The following RLN2 variants were observed in gnomAD, a reference collection of about 807,000 sequenced individuals.
RLN2 encodes the protein relaxin 2, also known as prorelaxin H2.
A neutral mutation model predicts 7.3 loss-of-function variants in RLN2; 10 were observed. The observed-to-expected ratio is 1.36, with a 90% CI of 0.84 to 2.31. The LOEUF is 2.31. Among genes scored for constraint, RLN2 ranks in the 30% most tolerant of loss-of-function variants. RLN2 has a pLI of 0.00. For missense variants in RLN2, 298 were observed against 217.6 expected (o/e 1.37, Z -2.32); for synonymous variants, 103 against 82.3 (o/e 1.25, Z -1.36).
the RLN2 span, among the ~76,000 whole-genome samples, chr9:5,315,717 A>G: frequency 6.6e-6 from 1 of 152,088 alleles, no homozygotes; most frequent in East Asian, 1.9e-4. Flanking sequence ...ATCAAATCAT[A>G]TATGAGAGGA....
chr9:5,312,076 G>A, the RLN2 span, among the ~76,000 whole-genome samples: 84 of 152,082 alleles, frequency 5.5e-4, 1 homozygote, highest in African/African-American at 1.9e-3. Flanking sequence ...AGGGGCATAT[G>A]TCACTAATAG....
chr9:5,333,176 C>T, the RLN2 span, among the ~76,000 whole-genome samples: 2 of 151,974 alleles, frequency 1.3e-5, no homozygotes, highest in Non-Finnish European at 1.5e-5. Flanking sequence ...GATAAATCAA[C>T]CCATGAGAAA....
chr9:5,332,470 T>A, the RLN2 span, among the ~76,000 whole-genome samples: 1 of 152,062 alleles, frequency 6.6e-6, no homozygotes, highest in East Asian at 1.9e-4. Flanking sequence ...GAAATAAGGT[T>A]TATTTTGTTG....
At chr9:5,334,795 C>T in the RLN2 span, among the ~76,000 whole-genome samples, 63 of 152,180 alleles carry the variant, frequency 4.1e-4, no homozygotes, top group Non-Finnish European at 6.8e-4. Flanking sequence ...AGTGTCCAAA[C>T]TGATGGTTTG....
the RLN2 span, among the ~76,000 whole-genome samples, chr9:5,333,912 C>T: frequency 1.7e-3 from 252 of 152,104 alleles, 6 homozygotes; most frequent in Middle Eastern, 6.8e-3. Context: ...GAACTAAAGA[C>T]AAAAACCATA....
the RLN2 span, among the ~76,000 whole-genome samples, chr9:5,330,360 C>T: frequency 1.2e-3 from 175 of 151,558 alleles, 4 homozygotes; most frequent in Admixed American, 4.5e-3. Context: ...TTAGAGAGGC[C>T]GGGTGTGGTG....
the RLN2 span, among the ~76,000 whole-genome samples, chr9:5,323,793 C>A: frequency 2.0e-5 from 3 of 152,024 alleles, no homozygotes; most frequent in East Asian, 3.9e-4. Context: ...TGCCTGTAAT[C>A]CCAGCAATTT....
chr9:5,335,629 G>T, the RLN2 span: 1 of 1,405,692 alleles, frequency 7.1e-7, no homozygotes. Flanking sequence ...TGTATGTGAA[G>T]GCGTATTCAC....
intron 1 of RLN2, among the ~76,000 whole-genome samples, chr9:5,302,852 G>A (rs1489355587): frequency 4.2e-5 from 4 of 95,576 alleles, no homozygotes; most frequent in East Asian, 3.2e-4. Flanking sequence ...GAGTGAAAAT[G>A]CAAAAGATAT....
In RLN2 at chr9:5,299,942, C is replaced by T; in HGVS notation, c.*156G>A. 2.2e-6 allele frequency: 1 copy of T among 462,760 alleles called. No homozygotes were observed. The highest frequency in any genetic ancestry group is 3.8e-6 in the Non-Finnish European group (1 of 265,774). 28.7% of individuals were successfully genotyped at this position (462,760 alleles called of 1,614,324 possible). On this transcript the variant is annotated 3_prime_UTR_variant, in exon 2 of 2. Coordinates refer to ENST00000381627, the MANE Select transcript of RLN2 (RefSeq NM_134441.3). ...TCAAATAAAAAAATCTAAACATCAA[C>T]AAAGATGTTTAGATATTCTAAGAAT...
chr9:5,330,482 C>G, the RLN2 span, among the ~76,000 whole-genome samples: 1 of 150,990 alleles, frequency 6.6e-6, no homozygotes, highest in Non-Finnish European at 1.5e-5. Context: ...ACTAAAAATA[C>G]AAAAAATTAG....
chr9:5,299,933 A>C lies in RLN2; in HGVS notation c.*165T>G. 2.2e-6 allele frequency: 1 copy of C among 450,022 alleles called. No individual in the cohort carries two copies. The highest frequency in any genetic ancestry group is 6.5e-5 in the South Asian group (1 of 15,412). The allele number at this position is 450,022 out of a possible 1,614,324, so 27.9% of individuals were successfully genotyped here. A position where few individuals can be genotyped will look rare whatever the true frequency, so the allele number is the denominator to read the frequency against. On this transcript the variant is annotated 3_prime_UTR_variant, in exon 2 of 2. Coordinates refer to ENST00000381627, the MANE Select transcript of RLN2 (RefSeq NM_134441.3). ...TCTTACACATCAAATAAAAAAATCTAAACATCAACAAAGATGTTTAGATAT... is the reference window on the plus strand; with the variant it reads ...TCTTACACATCAAATAAAAAAATCTCAACATCAACAAAGATGTTTAGATAT...
At chr9:5,329,418 AAT>A in the RLN2 span, among the ~76,000 whole-genome samples, 1 of 151,762 alleles carries the variant, frequency 6.6e-6, no homozygotes, top group Non-Finnish European at 1.5e-5. Flanking sequence ...ATTAACCTTA[AAT>A]GTAAATGAGC....
upstream of RLN2, among the ~76,000 whole-genome samples, chr9:5,305,227 T>G (rs570808469): frequency 5.3e-5 from 8 of 152,090 alleles, no homozygotes; most frequent in African/African-American, 1.9e-4. Context: ...TGTGCAGTAA[T>G]GTCTTTAATT....
chr9:5,327,021 T>C, the RLN2 span, among the ~76,000 whole-genome samples: 40 of 152,168 alleles, frequency 2.6e-4, 2 homozygotes, highest in East Asian at 6.6e-3. Context: ...CTGAGGTGCC[T>C]GGTTCATTTC....
chr9:5,325,786 A>G, the RLN2 span, among the ~76,000 whole-genome samples: 1 of 152,096 alleles, frequency 6.6e-6, no homozygotes, highest in Non-Finnish European at 1.5e-5. Context: ...GGTGAAGACA[A>G]GGGTTGTAGT....
chr9:5,306,932 A>C (rs967717273), upstream of RLN2, among the ~76,000 whole-genome samples: 42 of 152,076 alleles, frequency 2.8e-4, no homozygotes, highest in Non-Finnish European at 4.7e-4. Flanking sequence ...ACCTAAGCAC[A>C]AGTGTGGAGG....
upstream of RLN2, among the ~76,000 whole-genome samples, chr9:5,308,012 G>A (rs141121111): frequency 7.6e-3 from 1,156 of 151,700 alleles, 31 homozygotes; most frequent in African/African-American, 0.027. Context: ...AATGACAGTC[G>A]GTGCTACATT....
At chr9:5,331,784 T>C in the RLN2 span, among the ~76,000 whole-genome samples, 1 of 151,948 alleles carries the variant, frequency 6.6e-6, no homozygotes, top group Non-Finnish European at 1.5e-5. Context: ...ACCTGCACGT[T>C]GTGCACATGT....
Sources: gnomAD v4.1 joint callset for allele counts (sites outside exome capture counted in the v4.1 genomes callset) on GRCh38, gnomAD v4.1.1 for gene constraint, MANE v1.5 for transcripts, NCBI Gene and HGNC (gene_info 2026-07-23, HGNC 2026-07-21) for gene names.